Variants in NEDD4L observed in about 807,000 individuals in gnomAD.
The protein encoded by NEDD4L is NEDD4 like E3 ubiquitin protein ligase, also known as E3 ubiquitin-protein ligase NEDD4-like.
NEDD4L carries 54 observed loss-of-function variants against 148.9 expected under a neutral mutation model. That is an observed-to-expected ratio of 0.36 (90% CI 0.29 to 0.45). NEDD4L has a LOEUF of 0.45. Among genes scored for constraint, NEDD4L ranks in the 20% least tolerant of loss-of-function variants. The probability of loss-of-function intolerance (pLI) is 1.00; values close to 1 mark genes in which losing one functional copy is unlikely to be tolerated. For synonymous variants in NEDD4L, 433 were observed against 440.7 expected (o/e 0.98, Z 0.22); for missense variants, 856 against 1,233.8 (o/e 0.69, Z 4.59).
intron 1 of NEDD4L, among the ~76,000 whole-genome samples, chr18:58,117,580 C>T (rs1205478249): frequency 6.6e-6 from 1 of 152,154 alleles, no homozygotes; most frequent in Non-Finnish European, 1.5e-5. Context: ...TGGGATTGTT[C>T]GAAATGTAGC....
At chr18:58,292,082 C>T (rs1273833987) in intron 5 of NEDD4L, among the ~76,000 whole-genome samples, 1 of 152,126 alleles carries the variant, frequency 6.6e-6, no homozygotes, top group Non-Finnish European at 1.5e-5. Context: ...CAGTTCACAC[C>T]CCTAAAGGAC....
chr18:58,202,759 G>A (rs541714738), intron 2 of NEDD4L, among the ~76,000 whole-genome samples: 54 of 152,274 alleles, frequency 3.5e-4, no homozygotes, highest in African/African-American at 1.3e-3. Flanking sequence ...TTCGCCATTT[G>A]TCTCTGATAC....
intron 5 of NEDD4L, among the ~76,000 whole-genome samples, chr18:58,275,384 C>T (rs61363319): frequency 0.18 from 27,420 of 152,014 alleles, 2,615 homozygotes; most frequent in Non-Finnish European, 0.18. Flanking sequence ...GCTCATGCAG[C>T]TCAAACCCAT....
At chr18:58,048,897 A>G (rs2081726033) in intron 1 of NEDD4L, among the ~76,000 whole-genome samples, 2 of 152,156 alleles carry the variant, frequency 1.3e-5, no homozygotes, top group Admixed American at 6.5e-5. Context: ...ACATATAATT[A>G]TCCACTTCAT....
chr18:58,385,461 C>T (rs1330047489), intron 25 of NEDD4L, 65 bp from the exon 26 acceptor site: 23 of 1,296,574 alleles, frequency 1.8e-5, no homozygotes, highest in South Asian at 7.1e-5. Context: ...CTCCCTGTTG[C>T]GGAGAAAGCA....
At chr18:58,265,614 G>T (rs553516364) in intron 5 of NEDD4L, among the ~76,000 whole-genome samples, 9 of 152,078 alleles carry the variant, frequency 5.9e-5, no homozygotes, top group Non-Finnish European at 1.5e-5. Context: ...GCCCAGGCTG[G>T]AGTACGGTGG....
At chr18:58,138,382 T>G in intron 1 of NEDD4L, among the ~76,000 whole-genome samples, 1 of 143,494 alleles carries the variant, frequency 7.0e-6, no homozygotes, top group South Asian at 2.5e-4. Flanking sequence ...CTCCTCCTCT[T>G]TCCTCCCCTC....
chr18:58,128,752 T>C (rs1483506593), intron 1 of NEDD4L, among the ~76,000 whole-genome samples: 5 of 152,218 alleles, frequency 3.3e-5, no homozygotes, highest in Non-Finnish European at 7.3e-5. Flanking sequence ...GCGTTGTGGT[T>C]GAGCAGCACA....
chr18:58,045,479 A>C, intron 1 of NEDD4L: 1 of 199,868 alleles, frequency 5.0e-6, no homozygotes, highest in Non-Finnish European at 1.0e-5. Context: ...CACGCCTCCC[A>C]GGCGGTCGGT....
rs75984528 is a variant in NEDD4L, at chr18:58,365,356, G to A, written c.1834-643G>A. Among the ~76,000 whole-genome samples the A allele has an allele frequency of 2.5e-3, 380 of 152,246 alleles. 3 individuals are homozygous for A. The highest frequency in any genetic ancestry group is 8.8e-3 in the African/African-American group (365 of 41,530). On this transcript the variant is annotated intron_variant, in intron 20 of 30. Transcript: ENST00000400345. ...TCTCACATAGCAGTGTCTGCTACCCGGAAACCATCTCTGCACATTCATTCT... is the reference window on the plus strand; with the variant it reads ...TCTCACATAGCAGTGTCTGCTACCCAGAAACCATCTCTGCACATTCATTCT...
intron 1 of NEDD4L, among the ~76,000 whole-genome samples, chr18:58,118,158 A>G (rs1568240142): frequency 1.3e-5 from 2 of 152,346 alleles, no homozygotes; most frequent in Non-Finnish European, 2.9e-5. Context: ...TAACCTGTGT[A>G]TGACTCAGAA....
At chr18:58,162,405 G>T (rs773873650) in intron 1 of NEDD4L, among the ~76,000 whole-genome samples, 1 of 151,856 alleles carries the variant, frequency 6.6e-6, no homozygotes, top group East Asian at 1.9e-4. Flanking sequence ...CAGCCCTGCC[G>T]CACCACTCAG....
At chr18:58,073,732 A>T (rs79478302) in intron 1 of NEDD4L, among the ~76,000 whole-genome samples, 3 of 152,112 alleles carry the variant, frequency 2.0e-5, no homozygotes, top group Admixed American at 6.5e-5. Flanking sequence ...GGTAGTGGGT[A>T]TAGAGTTTCC....
chr18:58,102,287 A>G (rs1463232729), intron 1 of NEDD4L, among the ~76,000 whole-genome samples: 3 of 152,194 alleles, frequency 2.0e-5, no homozygotes, highest in African/African-American at 4.8e-5. Flanking sequence ...CTCCAGAGAC[A>G]CAGGGCCTAG....
chr18:58,351,777 A>G (rs2043922511), intron 18 of NEDD4L, among the ~76,000 whole-genome samples: 1 of 152,208 alleles, frequency 6.6e-6, no homozygotes, highest in Non-Finnish European at 1.5e-5. Context: ...GTAAAGTTTC[A>G]ACCATGAGTG....
chr18:58,338,157 T>G (rs1188906549), intron 13 of NEDD4L, among the ~76,000 whole-genome samples: 1 of 152,204 alleles, frequency 6.6e-6, no homozygotes, highest in Admixed American at 6.5e-5. Context: ...GCTAATGGCT[T>G]TTGGGCATCA....
At chr18:58,338,903 A>AAT in intron 13 of NEDD4L, among the ~76,000 whole-genome samples, 1 of 152,154 alleles carries the variant, frequency 6.6e-6, no homozygotes. Flanking sequence ...GCGACAGAGC[A>AAT]ATACTCTGTC....
intron 2 of NEDD4L, among the ~76,000 whole-genome samples, chr18:58,241,372 C>T (rs999426749): frequency 1.3e-5 from 2 of 152,184 alleles, no homozygotes; most frequent in African/African-American, 4.8e-5. Context: ...CCTGAGCCCT[C>T]CTGACTGCAG....
chr18:58,384,126 C>G (rs1020303983), intron 25 of NEDD4L, among the ~76,000 whole-genome samples: 11 of 152,302 alleles, frequency 7.2e-5, no homozygotes, highest in Admixed American at 5.2e-4. Context: ...TCCCTCCTTT[C>G]TTCTCATTTG....
Sources: gnomAD v4.1 joint callset for allele counts (sites outside exome capture counted in the v4.1 genomes callset) on GRCh38, gnomAD v4.1.1 for gene constraint, MANE v1.5 for transcripts, NCBI Gene and HGNC (gene_info 2026-07-23, HGNC 2026-07-21) for gene names.